The following NXPE2 variants were observed in gnomAD, a reference collection of about 807,000 sequenced individuals.
NXPE2 encodes NXPE family member 2.
A neutral mutation model predicts 34.4 loss-of-function variants in NXPE2; 34 were observed. That is an observed-to-expected ratio of 0.99 (90% CI 0.75 to 1.31). The LOEUF (loss-of-function observed/expected upper bound fraction) is 1.31. NXPE2 is among the 40% of genes most tolerant of loss of function. The pLI is 0.00. For synonymous variants in NXPE2, 235 were observed against 231.3 expected (o/e 1.02, Z -0.15); for missense variants, 649 against 672.5 (o/e 0.97, Z 0.39).
At chr11:114,684,226 G>A (rs992511714) in intron 2 of NXPE2, among the ~76,000 whole-genome samples, 1 of 152,092 alleles carries the variant, frequency 6.6e-6, no homozygotes. Flanking sequence ...AGGAGATCGA[G>A]ACCATCCTGG....
the NXPE2 span, among the ~76,000 whole-genome samples, chr11:114,543,489 C>G: frequency 6.6e-6 from 1 of 150,856 alleles, no homozygotes; most frequent in Admixed American, 6.6e-5. Flanking sequence ...CCACTGCACT[C>G]CAGCCTGGGG....
chr11:114,603,593 A>G, the NXPE2 span, among the ~76,000 whole-genome samples: 1 of 150,508 alleles, frequency 6.6e-6, no homozygotes, highest in African/African-American at 2.5e-5. Flanking sequence ...AACTCCTATT[A>G]CCTGGTGGAT....
At chr11:114,630,868 T>C in the NXPE2 span, among the ~76,000 whole-genome samples, 1 of 151,718 alleles carries the variant, frequency 6.6e-6, no homozygotes, top group African/African-American at 2.4e-5. Context: ...GCAAAGGACA[T>C]GAACAGACAC....
chr11:114,641,182 C>T, the NXPE2 span, among the ~76,000 whole-genome samples: 2 of 151,390 alleles, frequency 1.3e-5, no homozygotes, highest in African/African-American at 4.9e-5. Flanking sequence ...AAGAACTCTC[C>T]CAGAAATAAT....
the NXPE2 span, among the ~76,000 whole-genome samples, chr11:114,600,920 A>G: frequency 6.6e-6 from 1 of 152,046 alleles, no homozygotes; most frequent in Non-Finnish European, 1.5e-5. Context: ...ATGGGAAAAT[A>G]TAATATAGTT....
chr11:114,513,956 TA>T, the NXPE2 span, among the ~76,000 whole-genome samples: 25 of 152,168 alleles, frequency 1.6e-4, no homozygotes, highest in African/African-American at 5.6e-4. Context: ...AGTGTGGAAA[TA>T]AATTTCTCTT....
At chr11:114,576,271 C>T in the NXPE2 span, among the ~76,000 whole-genome samples, 20 of 152,056 alleles carry the variant, frequency 1.3e-4, no homozygotes, top group South Asian at 3.9e-3. Context: ...TTAGAAAAAC[C>T]CTTCTAGACA....
the NXPE2 span, among the ~76,000 whole-genome samples, chr11:114,728,046 T>C: frequency 6.6e-6 from 1 of 152,224 alleles, no homozygotes; most frequent in East Asian, 1.9e-4. Flanking sequence ...TCTAAAAGTC[T>C]TCTGTATTCC....
At chr11:114,612,839 T>G in the NXPE2 span, among the ~76,000 whole-genome samples, 1 of 151,844 alleles carries the variant, frequency 6.6e-6, no homozygotes, top group African/African-American at 2.4e-5. Flanking sequence ...GGATAGTAAG[T>G]ATTGCCTTGT....
chr11:114,580,186 T>C, the NXPE2 span: 1 of 1,614,044 alleles, frequency 6.2e-7, no homozygotes. Context: ...GAATCTCCCA[T>C]TAGGTATATG....
chr11:114,797,728 G>A, the NXPE2 span, among the ~76,000 whole-genome samples: 1 of 152,170 alleles, frequency 6.6e-6, no homozygotes, highest in South Asian at 2.1e-4. Flanking sequence ...CATAAGACAG[G>A]GAAGACATTT....
chr11:114,748,810 C>T, the NXPE2 span, among the ~76,000 whole-genome samples: 11 of 152,222 alleles, frequency 7.2e-5, no homozygotes, highest in African/African-American at 2.6e-4. Flanking sequence ...TGGGAAGTTA[C>T]TTTGGAACTA....
At chr11:114,807,630 A>G in the NXPE2 span, among the ~76,000 whole-genome samples, 2 of 151,624 alleles carry the variant, frequency 1.3e-5, no homozygotes, top group Non-Finnish European at 2.9e-5. Context: ...TCAATTCAAC[A>G]AGAAGAGCTA....
the NXPE2 span, among the ~76,000 whole-genome samples, chr11:114,467,536 G>A: frequency 6.6e-6 from 1 of 151,770 alleles, no homozygotes; most frequent in South Asian, 2.1e-4. Context: ...CTGGAAATAG[G>A]GAAGAAGGCT....
At chr11:114,587,535 G>A in the NXPE2 span, among the ~76,000 whole-genome samples, 2 of 152,204 alleles carry the variant, frequency 1.3e-5, no homozygotes, top group African/African-American at 4.8e-5. Context: ...ACCAGCAAAG[G>A]ACTAGAGTCA....
At chr11:114,474,057 G>T in the NXPE2 span, among the ~76,000 whole-genome samples, 2 of 152,130 alleles carry the variant, frequency 1.3e-5, no homozygotes, top group Non-Finnish European at 2.9e-5. Flanking sequence ...TTATGAAGTA[G>T]AGAAAAATAA....
chr11:114,766,231 G>A, the NXPE2 span, among the ~76,000 whole-genome samples: 9 of 152,144 alleles, frequency 5.9e-5, no homozygotes, highest in African/African-American at 2.2e-4. Flanking sequence ...AGATCACAGA[G>A]AGCTCTGACT....
chr11:114,737,034 A>C, the NXPE2 span, among the ~76,000 whole-genome samples: 45,959 of 151,802 alleles, frequency 0.3, 7,159 homozygotes, highest in East Asian at 0.43. Context: ...GATTTACCTG[A>C]CTCTTGCACT....
the NXPE2 span, among the ~76,000 whole-genome samples, chr11:114,645,673 G>T: frequency 6.6e-6 from 1 of 151,780 alleles, no homozygotes; most frequent in Non-Finnish European, 1.5e-5. Flanking sequence ...CCAAAGTAAA[G>T]GGAAAGAAAA....
Sources: allele counts gnomAD v4.1 joint callset (sites outside exome capture counted in the v4.1 genomes callset), GRCh38; gene constraint gnomAD v4.1.1; transcripts MANE v1.5; gene names NCBI Gene and HGNC (gene_info 2026-07-23, HGNC 2026-07-21).